The following MTHFD1L variants were observed in gnomAD, a reference collection of about 807,000 sequenced individuals.
The protein encoded by MTHFD1L is methylenetetrahydrofolate dehydrogenase (NADP+ dependent) 1 like.
MTHFD1L carries 81 observed loss-of-function variants against 119.5 expected under a neutral mutation model. The ratio of observed to expected loss-of-function variants is 0.68; its 90% CI spans 0.57 to 0.82. MTHFD1L has a LOEUF of 0.82. Ranked by LOEUF, MTHFD1L falls within the 40% of genes least tolerant of loss-of-function variation. The pLI is 0.00. For synonymous variants in MTHFD1L, 430 were observed against 475.2 expected, an observed-to-expected ratio of 0.90 and a Z score of 1.24; for missense variants, 1,125 against 1,253.4, an observed-to-expected ratio of 0.90 and a Z score of 1.55.
At chr6:151,002,589 TC>T (rs1584056756) in intron 20 of MTHFD1L, among the ~76,000 whole-genome samples, 1 of 152,186 alleles carries the variant, frequency 6.6e-6, no homozygotes, top group African/African-American at 2.4e-5. Context: ...AGCAGTCACC[TC>T]ATCACTGTTT....
At position 150,967,849 on chromosome 6, in the gene MTHFD1L, C is replaced by G. The variant is rs148119691; in HGVS notation, c.2013+2812C>G. ...TTCTTCCAAAATACTCTCTCCTCAGCAGCCATAGAGACTGAAACCTAATGA... is the reference window on the plus strand; with the variant it reads ...TTCTTCCAAAATACTCTCTCCTCAGGAGCCATAGAGACTGAAACCTAATGA... On this transcript the variant is annotated intron_variant, in intron 19 of 27. Transcript: ENST00000367321. 4.7e-4 allele frequency among the ~76,000 whole-genome samples: 71 copies of G among 152,296 alleles called. 2 individuals carry two copies. Among genetic ancestry groups the G allele is most frequent in the African/African-American group, 1.5e-3 (61 of 41,558 alleles).
intron 26 of MTHFD1L, among the ~76,000 whole-genome samples, chr6:151,065,342 C>G (rs1791116881): frequency 6.6e-6 from 1 of 152,182 alleles, no homozygotes; most frequent in Non-Finnish European, 1.5e-5. Context: ...TCTCACTGCT[C>G]CCCTGGCCTC....
chr6:151,042,040 AAAT>A (rs1787215859), intron 26 of MTHFD1L: 5 of 356,726 alleles, frequency 1.4e-5, no homozygotes, highest in South Asian at 1.2e-4. Context: ...TGGTGACCAC[AAAT>A]AATAATAAAT....
chr6:150,903,203 A>ATTC lies in MTHFD1L; in HGVS notation c.781-2445_781-2444insCTT, dbSNP rs1562348409. Among the ~76,000 whole-genome samples the ATTC allele has an allele frequency of 2.4e-3, 204 of 85,490 alleles. 37 individuals carry two copies. Among genetic ancestry groups the ATTC allele is most frequent in the African/African-American group, 7.3e-3 (147 of 20,000 alleles). 56.1% of individuals were successfully genotyped at this position (85,490 alleles called of 152,430 possible). ...GATTGCTGGTGATATTGGCTGCAAA[A>ATTC]TTTTTTTTTTTTTTTTTTTTTTTTT... On this transcript the variant is annotated intron_variant, in intron 7 of 27. Transcript: ENST00000367321.
intron 1 of MTHFD1L, among the ~76,000 whole-genome samples, chr6:150,869,111 A>C (rs1172632229): frequency 6.6e-6 from 1 of 152,150 alleles, no homozygotes; most frequent in African/African-American, 2.4e-5. Context: ...TTTTTTAGAC[A>C]ATGCTTTTGC....
intron 26 of MTHFD1L, among the ~76,000 whole-genome samples, chr6:151,046,359 C>G (rs1788005315): frequency 6.6e-6 from 1 of 150,594 alleles, no homozygotes; most frequent in South Asian, 2.1e-4. Flanking sequence ...CTTTTGTGTC[C>G]ACCCCTAAAA....
intron 21 of MTHFD1L, among the ~76,000 whole-genome samples, chr6:151,013,338 C>A (rs1782565419): frequency 6.6e-6 from 1 of 152,224 alleles, no homozygotes; most frequent in African/African-American, 2.4e-5. Flanking sequence ...TGTGATTGTG[C>A]CACTGCCCTC....
At chr6:150,876,964 G>C (rs1780557502) in intron 2 of MTHFD1L, among the ~76,000 whole-genome samples, 1 of 152,200 alleles carries the variant, frequency 6.6e-6, no homozygotes, top group Non-Finnish European at 1.5e-5. Flanking sequence ...AAGAAAATTA[G>C]ATTAGGGCTC....
chr6:150,866,577 G>A (rs113421820), intron 1 of MTHFD1L: 215 of 1,227,744 alleles, frequency 1.8e-4, no homozygotes, highest in Non-Finnish European at 2.2e-4. Context: ...CCCCGCGCGC[G>A]GCCCCTCCTG....
At chr6:150,930,083 T>C (rs1051312085) in intron 11 of MTHFD1L, among the ~76,000 whole-genome samples, 1 of 152,174 alleles carries the variant, frequency 6.6e-6, no homozygotes, top group African/African-American at 2.4e-5. Context: ...TTGATATCAG[T>C]TTAGATCACA....
chr6:150,878,817 C>T (rs978620032), intron 4 of MTHFD1L, among the ~76,000 whole-genome samples: 5 of 152,152 alleles, frequency 3.3e-5, no homozygotes, highest in Non-Finnish European at 7.3e-5. Context: ...TATTTGAGTC[C>T]TATGGAGAAG....
intron 27 of MTHFD1L, 65 bp downstream of exon 27, chr6:151,092,652 A>C: frequency 2.3e-6 from 2 of 869,980 alleles, no homozygotes; most frequent in East Asian, 2.9e-5. Flanking sequence ...TTTTTTTGTC[A>C]TTTTTTTTTT....
rs557003962 is a variant in MTHFD1L, at chr6:150,967,829, C to T, written c.2013+2792C>T. 2.0e-5 allele frequency among the ~76,000 whole-genome samples: 3 copies of T among 152,226 alleles called. No individual in the cohort carries two copies. The East Asian group carries it at 5.8e-4, about 29-fold the overall frequency. On this transcript the variant is annotated intron_variant, in intron 19 of 27. Transcript: ENST00000367321. The stretch of plus-strand genomic sequence containing the variant: ...GTCTCTCTGCTGCTACTCTTTTCTT[C>T]CAAAATACTCTCTCCTCAGCAGCCA...
At chr6:150,966,255 A>C (rs1312642767) in intron 19 of MTHFD1L, among the ~76,000 whole-genome samples, 1 of 152,186 alleles carries the variant, frequency 6.6e-6, no homozygotes, top group Non-Finnish European at 1.5e-5. Flanking sequence ...GGGAGGCCTC[A>C]GGAAACTTAT....
chr6:150,949,237 T>G, intron 16 of MTHFD1L, 104 bp downstream of exon 16: 1 of 830,812 alleles, frequency 1.2e-6, no homozygotes, highest in Non-Finnish European at 2.0e-6. Context: ...TGTCCAGTGA[T>G]CTTCCCAGCC....
At chr6:151,049,661 CA>C (rs34116073) in intron 26 of MTHFD1L, among the ~76,000 whole-genome samples, 70,472 of 111,470 alleles carry the variant, frequency 0.63, 20,723 homozygotes, top group East Asian at 0.84. Flanking sequence ...GACTCCATCT[CA>C]AAAAAAAAAA....
At chr6:150,899,097 T>A in intron 7 of MTHFD1L, 2 of 571,376 alleles carry the variant, frequency 3.5e-6, no homozygotes, top group Non-Finnish European at 4.5e-6. Flanking sequence ...TGGACACAAC[T>A]AAATATCTTT....
At chr6:151,009,074 A>C (rs561581060) in intron 20 of MTHFD1L, among the ~76,000 whole-genome samples, 2 of 146,340 alleles carry the variant, frequency 1.4e-5, no homozygotes, top group African/African-American at 5.0e-5. Context: ...GTGAGCTGAG[A>C]TTGTGCCATT....
chr6:150,977,887 C>CATATAT (rs199641296), intron 20 of MTHFD1L, among the ~76,000 whole-genome samples: 1 of 148,330 alleles, frequency 6.7e-6, no homozygotes, highest in Non-Finnish European at 1.5e-5. Context: ...CATATGGAGA[C>CATATAT]ATATATATAT....
Sources: gnomAD v4.1 joint callset for allele counts (sites outside exome capture counted in the v4.1 genomes callset) on GRCh38, gnomAD v4.1.1 for gene constraint, MANE v1.5 for transcripts, NCBI Gene and HGNC (gene_info 2026-07-23, HGNC 2026-07-21) for gene names.